The following CNTN4 variants were observed in gnomAD, a reference collection of about 807,000 sequenced individuals.
CNTN4 encodes contactin-4.
In CNTN4, 77 loss-of-function variants were observed where a neutral mutation model predicts 122.5. The observed-to-expected ratio is 0.63, with a 90% CI of 0.52 to 0.76. CNTN4 has a LOEUF of 0.76. Among genes scored for constraint, CNTN4 ranks in the 30% least tolerant of loss-of-function variants. The pLI, the probability that CNTN4 is intolerant of heterozygous loss-of-function variation, is 0.00. For missense variants in CNTN4, 1,256 were observed against 1,259.1 expected (o/e 1.00, Z 0.04); for synonymous variants, 512 against 447.0 (o/e 1.15, Z -1.83).
At chr3:2,779,781 G>T (rs1182739134) in intron 6 of CNTN4, among the ~76,000 whole-genome samples, 1 of 152,170 alleles carries the variant, frequency 6.6e-6, no homozygotes, top group African/African-American at 2.4e-5. Context: ...AGTGGTGGTG[G>T]TGATTTGTAT....
chr3:2,238,982 C>T (rs959741547), intron 2 of CNTN4: 9 of 149,410 alleles, frequency 6.0e-5, no homozygotes, highest in African/African-American at 9.8e-5. Context: ...GCCTCGGCCT[C>T]CCAAAGTGCT....
At chr3:2,393,597 G>A (rs999583290) in intron 3 of CNTN4, among the ~76,000 whole-genome samples, 2 of 152,082 alleles carry the variant, frequency 1.3e-5, no homozygotes, top group Non-Finnish European at 2.9e-5. Context: ...GCCTAACAAT[G>A]TGTGAGATTA....
chr3:2,754,424 G>A (rs1206186598), intron 6 of CNTN4, among the ~76,000 whole-genome samples: 1 of 152,034 alleles, frequency 6.6e-6, no homozygotes, highest in East Asian at 1.9e-4. Context: ...AGGGAAACTG[G>A]CATTATCATG....
At chr3:2,913,342 G>A (rs1281398699) in intron 12 of CNTN4, among the ~76,000 whole-genome samples, 1 of 152,096 alleles carries the variant, frequency 6.6e-6, no homozygotes, top group Non-Finnish European at 1.5e-5. Flanking sequence ...TTGATTAAAT[G>A]CCCCAATTAA....
intron 3 of CNTN4, among the ~76,000 whole-genome samples, chr3:2,514,849 C>T (rs920454529): frequency 6.6e-6 from 1 of 152,072 alleles, no homozygotes; most frequent in Non-Finnish European, 1.5e-5. Context: ...CAATATTTCA[C>T]TAGGATGCTT....
At chr3:2,312,732 C>A (rs1245512095) in intron 2 of CNTN4, among the ~76,000 whole-genome samples, 1 of 151,758 alleles carries the variant, frequency 6.6e-6, no homozygotes, top group African/African-American at 2.4e-5. Flanking sequence ...ACTTTTTTTT[C>A]CAAATGTTGG....
chr3:2,671,569 T>G (rs62232713), intron 4 of CNTN4, among the ~76,000 whole-genome samples: 1 of 152,148 alleles, frequency 6.6e-6, no homozygotes, highest in African/African-American at 2.4e-5. Flanking sequence ...TTTGATCATC[T>G]GAAGCCTTCT....
intron 2 of CNTN4, among the ~76,000 whole-genome samples, chr3:2,333,237 T>C (rs746244828): frequency 4.6e-5 from 7 of 152,200 alleles, no homozygotes; most frequent in Non-Finnish European, 8.8e-5. Flanking sequence ...ACTGTTTATC[T>C]TGTAGTCAAG....
At chr3:2,167,370 A>T (rs2036241733) in intron 2 of CNTN4, among the ~76,000 whole-genome samples, 1 of 152,218 alleles carries the variant, frequency 6.6e-6, no homozygotes, top group Non-Finnish European at 1.5e-5. Flanking sequence ...TAACAATACC[A>T]TTATTACAAT....
intron 3 of CNTN4, among the ~76,000 whole-genome samples, chr3:2,542,637 A>G (rs1239007464): frequency 6.6e-6 from 1 of 152,108 alleles, no homozygotes. Context: ...ATATTTCCAG[A>G]TTCGTTTCAG....
chr3:2,710,812 T>C (rs2087099998), intron 4 of CNTN4, among the ~76,000 whole-genome samples: 1 of 152,206 alleles, frequency 6.6e-6, no homozygotes, highest in Non-Finnish European at 1.5e-5. Flanking sequence ...AACAGCTCTA[T>C]TTGAACCTTT....
At chr3:2,554,388 C>T (rs966987394) in intron 3 of CNTN4, among the ~76,000 whole-genome samples, 2 of 152,040 alleles carry the variant, frequency 1.3e-5, no homozygotes, top group African/African-American at 2.4e-5. Context: ...TTTCACTTTA[C>T]AAAGTACCAC....
At chr3:2,164,247 A>G (rs1360915565) in intron 2 of CNTN4, among the ~76,000 whole-genome samples, 1 of 152,162 alleles carries the variant, frequency 6.6e-6, no homozygotes, top group Non-Finnish European at 1.5e-5. Context: ...AAAAACAACA[A>G]CAAAGTATAC....
At position 2,670,987 on chromosome 3, in the gene CNTN4, T is replaced by C. The variant is rs544921104; in HGVS notation, c.56-65228T>C. ...GCTGTTAGTCTGATGGGCTTCCCTT[T>C]GTGGGTAACCCGACCTTTCTCTCTG... is the stretch of plus-strand genomic sequence containing the variant. On this transcript the variant is annotated intron_variant, in intron 4 of 24. Transcript: ENST00000418658. Among the ~76,000 whole-genome samples the C allele has an allele frequency of 5.9e-5, 9 of 152,352 alleles. No homozygotes were observed. In the East Asian group the frequency reaches 1.7e-3, roughly 29 times the overall value.
At chr3:2,886,050 T>A (rs532273221) in intron 9 of CNTN4, among the ~76,000 whole-genome samples, 2 of 152,296 alleles carry the variant, frequency 1.3e-5, no homozygotes, top group Admixed American at 1.3e-4. Flanking sequence ...CTGTCTTATT[T>A]ATTAGTCAAA....
intron 2 of CNTN4, among the ~76,000 whole-genome samples, chr3:2,243,313 T>A (rs1206928736): frequency 2.0e-5 from 3 of 152,118 alleles, no homozygotes; most frequent in Non-Finnish European, 4.4e-5. Flanking sequence ...GTTATTACTA[T>A]ATTTTTCTCT....
intron 6 of CNTN4, among the ~76,000 whole-genome samples, chr3:2,789,359 A>G (rs2091936524): frequency 6.6e-6 from 1 of 152,198 alleles, no homozygotes; most frequent in African/African-American, 2.4e-5. Context: ...ATTATTATGC[A>G]CCCTCATTAT....
chr3:2,307,650 A>G (rs2042765502), intron 2 of CNTN4, among the ~76,000 whole-genome samples: 1 of 151,962 alleles, frequency 6.6e-6, no homozygotes, highest in South Asian at 2.1e-4. Flanking sequence ...TTTTTTAAAT[A>G]CTTTTTATGC....
chr3:2,770,040 T>G (rs376973142), intron 6 of CNTN4, among the ~76,000 whole-genome samples: 11 of 149,628 alleles, frequency 7.4e-5, no homozygotes, highest in African/African-American at 2.8e-4. Flanking sequence ...TGTTTGTTTT[T>G]TTTTTTTGAG....
Sources: allele counts gnomAD v4.1 joint callset (sites outside exome capture counted in the v4.1 genomes callset), GRCh38; gene constraint gnomAD v4.1.1; transcripts MANE v1.5; gene names NCBI Gene and HGNC (gene_info 2026-07-23, HGNC 2026-07-21).